Variants in NCKAP5 observed in about 807,000 individuals in gnomAD.
NCKAP5 encodes NCK associated protein 5.
In NCKAP5, 92 loss-of-function variants were observed where a neutral mutation model predicts 167.0. The observed-to-expected ratio is 0.55, with a 90% confidence interval of 0.47 to 0.66. The LOEUF (loss-of-function observed/expected upper bound fraction) is 0.66. Ranked by LOEUF, NCKAP5 falls within the 30% of genes least tolerant of loss-of-function variation. The pLI, the probability that NCKAP5 is intolerant of heterozygous loss-of-function variation, is 0.00. For synonymous variants in NCKAP5, 891 were observed against 877.4 expected (o/e 1.02, Z -0.27); for missense variants, 2,378 against 2,315.0 (o/e 1.03, Z -0.56).
intron 16 of NCKAP5, among the ~76,000 whole-genome samples, chr2:132,748,304 T>C (rs1240126081): frequency 6.6e-6 from 1 of 152,176 alleles, no homozygotes; most frequent in Non-Finnish European, 1.5e-5. Context: ...CCAGACAAAT[T>C]TGTATCTCTT....
chr2:133,079,668 C>T (rs1486108212), intron 6 of NCKAP5, among the ~76,000 whole-genome samples: 1 of 152,106 alleles, frequency 6.6e-6, no homozygotes, highest in Non-Finnish European at 1.5e-5. Flanking sequence ...GGAATTCTAC[C>T]ATTGGAAATT....
At chr2:133,431,948 G>A (rs1482803730) in intron 3 of NCKAP5, 1 of 152,146 alleles carries the variant, frequency 6.6e-6, no homozygotes, top group East Asian at 1.9e-4. Context: ...GCCCATGGAA[G>A]AGAGGGTCCC....
intron 3 of NCKAP5, among the ~76,000 whole-genome samples, chr2:133,385,698 G>A (rs1264263308): frequency 1.3e-5 from 2 of 152,092 alleles, no homozygotes; most frequent in Admixed American, 1.3e-4. Flanking sequence ...TGGTTGGTAA[G>A]CTATTAATTA....
intron 3 of NCKAP5, among the ~76,000 whole-genome samples, chr2:133,495,494 C>T (rs1681864898): frequency 6.6e-6 from 1 of 152,206 alleles, no homozygotes; most frequent in Non-Finnish European, 1.5e-5. Flanking sequence ...TGGAAACCAG[C>T]CATTACCTCC....
chr2:133,124,634 G>A (rs183131243), intron 6 of NCKAP5, among the ~76,000 whole-genome samples: 13 of 152,242 alleles, frequency 8.5e-5, no homozygotes, highest in Non-Finnish European at 1.8e-4. Context: ...CTATAAATAC[G>A]GTGTTTTGTT....
intron 4 of NCKAP5, among the ~76,000 whole-genome samples, chr2:133,262,404 T>A (rs2088953724): frequency 6.6e-6 from 1 of 152,222 alleles, no homozygotes; most frequent in African/African-American, 2.4e-5. Context: ...CAACACAAAA[T>A]GATTAGCTTC....
At chr2:133,299,278 G>A (rs1245331472) in intron 4 of NCKAP5, among the ~76,000 whole-genome samples, 1 of 152,116 alleles carries the variant, frequency 6.6e-6, no homozygotes, top group Admixed American at 6.6e-5. Flanking sequence ...GATAAATTTT[G>A]AGGTTATTAG....
chr2:133,336,771 T>A (rs1197601763), intron 3 of NCKAP5, among the ~76,000 whole-genome samples: 1 of 152,202 alleles, frequency 6.6e-6, no homozygotes, highest in East Asian at 1.9e-4. Context: ...TGAAGGGTTA[T>A]GCTCTTTAGG....
chr2:132,918,801 T>G (rs1032254678), intron 8 of NCKAP5, among the ~76,000 whole-genome samples: 1 of 152,162 alleles, frequency 6.6e-6, no homozygotes, highest in Non-Finnish European at 1.5e-5. Context: ...AGTTTAGAAA[T>G]AGCCATGAAA....
chr2:133,314,853 G>T (rs1681486187), intron 3 of NCKAP5, among the ~76,000 whole-genome samples: 1 of 152,176 alleles, frequency 6.6e-6, no homozygotes, highest in Non-Finnish European at 1.5e-5. Context: ...GAAGACATTT[G>T]AGCAAACACC....
chr2:133,251,518 A>G (rs1212039489), intron 4 of NCKAP5, among the ~76,000 whole-genome samples: 1 of 152,106 alleles, frequency 6.6e-6, no homozygotes, highest in Non-Finnish European at 1.5e-5. Flanking sequence ...TGACAACACT[A>G]AACACAGCAT....
chr2:132,909,385 C>G (rs1388390069), intron 8 of NCKAP5, among the ~76,000 whole-genome samples: 1 of 152,076 alleles, frequency 6.6e-6, no homozygotes, highest in African/African-American at 2.4e-5. Flanking sequence ...TTTTAGTATG[C>G]TCAGGCTATA....
intron 6 of NCKAP5, among the ~76,000 whole-genome samples, chr2:133,062,163 T>C (rs1334806847): frequency 1.3e-5 from 2 of 152,220 alleles, no homozygotes; most frequent in Admixed American, 1.3e-4. Flanking sequence ...TGGTAAAACC[T>C]TTAAAACAAA....
intron 8 of NCKAP5, among the ~76,000 whole-genome samples, chr2:132,939,256 C>T (rs1697096437): frequency 6.6e-6 from 1 of 152,180 alleles, no homozygotes; most frequent in South Asian, 2.1e-4. Context: ...GAGGGCAGTA[C>T]ACTATAATTA....
intron 6 of NCKAP5, among the ~76,000 whole-genome samples, chr2:133,042,259 C>A (rs2149458365): frequency 6.6e-6 from 1 of 152,186 alleles, no homozygotes. Context: ...GTATAGAAAG[C>A]ACCCAGTCCA....
At chr2:132,858,669 T>C (rs138096992) in intron 11 of NCKAP5, among the ~76,000 whole-genome samples, 280 of 152,298 alleles carry the variant, frequency 1.8e-3, no homozygotes, top group African/African-American at 6.5e-3. Flanking sequence ...TTATAAATAT[T>C]ATTTAAATTA....
In NCKAP5 at chr2:133,111,231, G is replaced by A. The variant is rs559035185; in HGVS notation, c.341+18747C>T. On this transcript the variant is annotated intron_variant, in intron 6 of 19. Coordinates refer to ENST00000409261, the MANE Select transcript of NCKAP5 (RefSeq NM_207363.3). Reference sequence around the variant, plus strand: ...TGCTTTGACCAATTTAAGTGAAGGTGAATTTGTGATTATTACTGTAGACAA... The same window carrying A: ...TGCTTTGACCAATTTAAGTGAAGGTAAATTTGTGATTATTACTGTAGACAA... Among the ~76,000 whole-genome samples, 94 of 152,232 alleles carry A rather than the reference G, an allele frequency of 6.2e-4. 1 individual carries two copies. In the Middle Eastern group the frequency reaches 0.01, roughly 17 times the overall value.
the NCKAP5 span, among the ~76,000 whole-genome samples, chr2:133,596,627 G>A: frequency 4.6e-5 from 7 of 152,194 alleles, no homozygotes; most frequent in Non-Finnish European, 8.8e-5. Context: ...CGAACAGAAT[G>A]TTGCTATTAA....
chr2:132,863,183 G>C (rs1465671093), intron 10 of NCKAP5, among the ~76,000 whole-genome samples: 1 of 152,050 alleles, frequency 6.6e-6, no homozygotes, highest in African/African-American at 2.4e-5. Context: ...TTTGTTCTTA[G>C]CATGTATATA....
Sources: allele counts gnomAD v4.1 joint callset (sites outside exome capture counted in the v4.1 genomes callset), GRCh38; gene constraint gnomAD v4.1.1; transcripts MANE v1.5; gene names NCBI Gene and HGNC (gene_info 2026-07-23, HGNC 2026-07-21).